BCR: variants seen among roughly 807,000 people sequenced by gnomAD.
BCR encodes BCR activator of RhoGEF and GTPase.
BCR carries 58 observed loss-of-function variants against 138.6 expected under a neutral mutation model. The observed-to-expected ratio is 0.42, with a 90% CI of 0.34 to 0.52. The LOEUF (loss-of-function observed/expected upper bound fraction) is 0.52. Ranked by LOEUF, BCR falls within the 20% of genes least tolerant of loss-of-function variation. BCR has a pLI of 0.06. For missense variants in BCR, 1,599 were observed against 1,727.2 expected, an observed-to-expected ratio of 0.93 and a Z score of 1.32; for synonymous variants, 786 against 730.1, an observed-to-expected ratio of 1.08 and a Z score of -1.23.
At chr22:23,257,641 C>T (rs1010553201) in intron 2 of BCR, among the ~76,000 whole-genome samples, 3 of 152,236 alleles carry the variant, frequency 2.0e-5, no homozygotes, top group Non-Finnish European at 4.4e-5. Flanking sequence ...CCTGCAGGGG[C>T]AGCTGGGGTG....
intron 1 of BCR, among the ~76,000 whole-genome samples, chr22:23,208,489 G>A (rs941078605): frequency 2.0e-5 from 3 of 152,046 alleles, no homozygotes; most frequent in Admixed American, 6.6e-5. Flanking sequence ...ACAGTTCAGT[G>A]GTGTTGAGTA....
At chr22:23,190,814 G>T (rs373586450) in intron 1 of BCR, among the ~76,000 whole-genome samples, 1 of 152,224 alleles carries the variant, frequency 6.6e-6, no homozygotes, top group Non-Finnish European at 1.5e-5. Flanking sequence ...GGAGGGCTGC[G>T]TGCTAAAACT....
Position 23,181,791 on chromosome 22 carries a change from G to A in BCR, c.831G>A (p.Gln277=). Residue 277 remains glutamine (Q), a synonymous_variant, in exon 1 of 23, where the codon CAG becomes CAA. Coordinates refer to ENST00000305877, the MANE Select transcript of BCR (RefSeq NM_004327.4). ...SRPPWPPLEY[Q]PYQSIYVGGM... ...CCCCTTGGCCGCCCCTGGAGTACCA[G>A]CCCTACCAGAGCATCTACGTCGGGG... is the stretch of plus-strand genomic sequence containing the variant. 1 of 1,608,680 alleles carries A rather than the reference G, an allele frequency of 6.2e-7. No homozygotes were observed. The highest frequency in any genetic ancestry group is 8.5e-7 in the Non-Finnish European group (1 of 1,179,974).
intron 1 of BCR, among the ~76,000 whole-genome samples, chr22:23,226,198 G>C (rs1478049197): frequency 6.6e-6 from 1 of 152,224 alleles, no homozygotes; most frequent in East Asian, 1.9e-4. Context: ...TATGAATCAA[G>C]ATCCTGGCTG....
At chr22:23,287,957 G>A in intron 11 of BCR, 140 bp from the exon 12 acceptor site, 1 of 770,752 alleles carries the variant, frequency 1.3e-6, no homozygotes, top group Non-Finnish European at 2.3e-6. Flanking sequence ...GAAGCGACAT[G>A]CCAGGCCGTG....
intron 9 of BCR, among the ~76,000 whole-genome samples, 179 bp from the exon 10 acceptor site, chr22:23,284,854 A>G (rs1460788944): frequency 6.6e-6 from 1 of 152,178 alleles, no homozygotes; most frequent in Non-Finnish European, 1.5e-5. Context: ...GTCTGTTCCC[A>G]GGAATCCTGG....
intron 16 of BCR, among the ~76,000 whole-genome samples, chr22:23,301,025 C>T (rs6003605): frequency 0.18 from 28,091 of 152,240 alleles, 2,890 homozygotes; most frequent in Middle Eastern, 0.28. Context: ...AGAAAATTTG[C>T]AGATGAAGAG....
chr22:23,317,094 G>T lies in BCR; in HGVS notation c.*1572G>T. The T allele has an allele frequency of 5.2e-6, 1 of 190,774 alleles. No individual in the cohort carries two copies. Among genetic ancestry groups the T allele is most frequent in the African/African-American group, 2.6e-5 (1 of 38,508 alleles). 11.8% of individuals were successfully genotyped at this position (190,774 alleles called of 1,614,324 possible). A position where few individuals can be genotyped will look rare whatever the true frequency, so the allele number is the denominator to read the frequency against. ...GGCTCTGTCTGGCACCCGCTCCCAA[G>T]GTGGGAGGAGTGGGTGTCCCCTGTG... is the stretch of plus-strand genomic sequence containing the variant. On this transcript the variant is annotated 3_prime_UTR_variant, in exon 23 of 23. Coordinates refer to ENST00000305877, the MANE Select transcript of BCR (RefSeq NM_004327.4).
At chr22:23,260,815 A>T in intron 2 of BCR, 135 bp from the exon 3 acceptor site, 1 of 823,566 alleles carries the variant, frequency 1.2e-6, no homozygotes, top group Non-Finnish European at 2.1e-6. Flanking sequence ...GCCTCCCTTT[A>T]ATTCCATGTG....
intron 22 of BCR, 109 bp downstream of exon 22, chr22:23,314,823 G>A: frequency 2.1e-6 from 3 of 1,397,510 alleles, no homozygotes; most frequent in South Asian, 1.2e-5. Context: ...TATGTGGTGT[G>A]GCCAACATTC....
intron 4 of BCR, chr22:23,263,120 G>A (rs946479426): frequency 3.5e-5 from 25 of 706,734 alleles, no homozygotes; most frequent in Admixed American, 2.4e-4. Context: ...CCTACATCCC[G>A]GGGACAGGGG....
In BCR at chr22:23,294,157, A is replaced by G. The variant is rs147233575; in HGVS notation, c.2881-867A>G. On this transcript the variant is annotated intron_variant, in intron 15 of 22. Transcript: ENST00000305877. The stretch of plus-strand genomic sequence containing the variant: ...AGTTCCCATGTACCTCCTGCCCCCC[A>G]TCTCAATTATGGACATCCCACTCCA... Among the ~76,000 whole-genome samples, 917 of 152,266 alleles carry G rather than the reference A, an allele frequency of 6.0e-3. 8 individuals carry two copies. Among genetic ancestry groups the G allele is most frequent in the African/African-American group, 0.02 (825 of 41,544 alleles).
intron 15 of BCR, among the ~76,000 whole-genome samples, chr22:23,294,619 G>T (rs376653296): frequency 1.3e-5 from 2 of 152,126 alleles, no homozygotes; most frequent in African/African-American, 2.4e-5. Context: ...AGTTAGTCTC[G>T]TACTCCTGGT....
At position 23,289,638 on chromosome 22, in the gene BCR, C is replaced by CAA. The variant is rs773968891; in HGVS notation, c.2707+17_2707+18insAA. 7.6e-6 allele frequency: 11 copies of CAA among 1,442,950 alleles called. No homozygotes were observed. The highest frequency in any genetic ancestry group is 9.7e-6 in the Non-Finnish European group (10 of 1,035,268). The allele number at this position is 1,442,950 out of a possible 1,614,324, so 89.4% of individuals were successfully genotyped here. A position where few individuals can be genotyped will look rare whatever the true frequency, so the allele number is the denominator to read the frequency against. On this transcript the variant is annotated intron_variant, in intron 13 of 22. Coordinates refer to ENST00000305877, the MANE Select transcript of BCR (RefSeq NM_004327.4). ...ATAAGGAAGGTGGGCCCCCCCGTTT[C>CAA]CGTGTACAGGGCACCTGCAGGGAGG...
In BCR at chr22:23,317,064, A is replaced by G. The variant is rs2074080242; in HGVS notation, c.*1542A>G. On this transcript the variant is annotated 3_prime_UTR_variant, in exon 23 of 23. Transcript: ENST00000305877. Reference sequence around the variant, plus strand: ...GGGTCCCTGGATGACACCAGCACCCAGTGCGGCTCTGTCTGGCACCCGCTC... The same window carrying G: ...GGGTCCCTGGATGACACCAGCACCCGGTGCGGCTCTGTCTGGCACCCGCTC... The G allele has an allele frequency of 1.1e-5, 2 of 174,070 alleles. No homozygotes were observed. The highest frequency in any genetic ancestry group is 4.7e-4 in the South Asian group (2 of 4,290). The allele number at this position is 174,070 out of a possible 1,614,324, so 10.8% of individuals were successfully genotyped here.
At chr22:23,209,089 G>T (rs1219842737) in intron 1 of BCR, among the ~76,000 whole-genome samples, 1 of 152,148 alleles carries the variant, frequency 6.6e-6, no homozygotes, top group Admixed American at 6.5e-5. Flanking sequence ...GCCGGGCGCG[G>T]TGGCTCACGC....
chr22:23,271,909 T>A (rs1459249324), intron 6 of BCR, among the ~76,000 whole-genome samples: 1 of 151,622 alleles, frequency 6.6e-6, no homozygotes, highest in African/African-American at 2.4e-5. Context: ...CACTGCAACC[T>A]CCACTTCCCG....
chr22:23,289,882 C>T (rs1568975893), intron 13 of BCR: 7 of 548,916 alleles, frequency 1.3e-5, no homozygotes, highest in East Asian at 3.1e-5. Flanking sequence ...CTGCAGCAGA[C>T]GCTCCTCAGA....
At chr22:23,274,908 A>AC (rs1491318981) in intron 8 of BCR, among the ~76,000 whole-genome samples, 1 of 59,362 alleles carries the variant, frequency 1.7e-5, no homozygotes, top group Non-Finnish European at 3.5e-5. Flanking sequence ...ACTCCATCTC[A>AC]AAAAAAAAAA....
Sources: gnomAD v4.1 joint callset for allele counts (sites outside exome capture counted in the v4.1 genomes callset) on GRCh38, gnomAD v4.1.1 for gene constraint, MANE v1.5 for transcripts, NCBI Gene and HGNC (gene_info 2026-07-23, HGNC 2026-07-21) for gene names.